Variants in PCDHA4 observed in about 807,000 individuals in gnomAD.
The protein encoded by PCDHA4 is protocadherin alpha 4, also known as protocadherin alpha-4.
A neutral mutation model predicts 61.4 loss-of-function variants in PCDHA4; 49 were observed. The observed-to-expected ratio is 0.80, with a 90% CI of 0.63 to 1.01. The LOEUF is 1.01. PCDHA4 is among the 50% of genes least tolerant of loss of function. PCDHA4 has a pLI of 0.00. For synonymous variants in PCDHA4, 590 were observed against 550.3 expected (o/e 1.07, Z -1.01); for missense variants, 1,254 against 1,235.8 (o/e 1.01, Z -0.22).
At chr5:140,939,119 C>A (rs1427966155) in intron 1 of PCDHA4, among the ~76,000 whole-genome samples, 9 of 152,170 alleles carry the variant, frequency 5.9e-5, no homozygotes, top group African/African-American at 1.7e-4. Flanking sequence ...TTTCACAATT[C>A]TGGAAGCTGG....
intron 1 of PCDHA4, among the ~76,000 whole-genome samples, chr5:140,952,940 G>A (rs2094821781): frequency 6.6e-6 from 1 of 152,066 alleles, no homozygotes. Context: ...AGGAGCAAGA[G>A]AGAGAGAAGG....
intron 1 of PCDHA4, among the ~76,000 whole-genome samples, chr5:140,903,944 A>G (rs1554191212): frequency 6.6e-6 from 1 of 152,192 alleles, no homozygotes; most frequent in African/African-American, 2.4e-5. Context: ...CCTCTTAAAT[A>G]CTGGAAAATT....
At chr5:140,925,938 T>C (rs1357099773) in intron 1 of PCDHA4, among the ~76,000 whole-genome samples, 1 of 138,492 alleles carries the variant, frequency 7.2e-6, no homozygotes, top group Non-Finnish European at 1.5e-5. Context: ...GTAGAGCCTC[T>C]TGGAGAAGGA....
At chr5:140,910,028 T>C (rs1402911275) in intron 1 of PCDHA4, among the ~76,000 whole-genome samples, 4 of 152,222 alleles carry the variant, frequency 2.6e-5, no homozygotes, top group African/African-American at 9.6e-5. Flanking sequence ...ATCCCTGGGA[T>C]AAATCCCACT....
chr5:140,926,682 C>T, intron 1 of PCDHA4: 1 of 656,722 alleles, frequency 1.5e-6, no homozygotes, highest in Non-Finnish European at 2.3e-6. Context: ...CAGCCTCCAG[C>T]CTAGCAAGCC....
intron 1 of PCDHA4, chr5:140,851,440 C>T (rs1474204778): frequency 1.1e-6 from 1 of 926,576 alleles, no homozygotes; most frequent in South Asian, 4.9e-5. Flanking sequence ...AAAACAGTTG[C>T]TCCACTTTAG....
At chr5:140,828,509 GTGC>G in intron 1 of PCDHA4, 1 of 1,614,278 alleles carries the variant, frequency 6.2e-7, no homozygotes. Context: ...GGAACAAAGA[GTGC>G]TGATTTACGA....
intron 1 of PCDHA4, chr5:140,829,396 G>C (rs2150167101): frequency 1.9e-6 from 3 of 1,614,054 alleles, no homozygotes; most frequent in Non-Finnish European, 2.5e-6. Flanking sequence ...CGCCTTCGCT[G>C]TGGGCCACCG....
At chr5:140,883,825 G>T in intron 1 of PCDHA4, 1 of 1,612,576 alleles carries the variant, frequency 6.2e-7, no homozygotes, top group South Asian at 1.1e-5. Context: ...AGGTGTACGC[G>T]CTGCAGCCGT....
At position 140,807,967 on chromosome 5, in the gene PCDHA4, G is replaced by C; in HGVS notation, c.780G>C (p.Leu260Phe). The C allele has an allele frequency of 6.2e-7, 1 of 1,612,546 alleles. No homozygotes were observed. The change falls in exon 1 of 4, where the codon TTG (leucine) becomes TTC (phenylalanine). Residue 260 changes from leucine (L) to phenylalanine (F), a missense_variant. Transcript: ENST00000530339. ...RLLENVPNGT[L>F]VIKLNASDLD... is the part of the protein sequence containing the mutation. ...TAGAAAATGTTCCTAATGGAACATT[G>C]GTAATTAAACTTAACGCCTCAGATT...
At chr5:140,898,235 T>G (rs1386232934) in intron 1 of PCDHA4, among the ~76,000 whole-genome samples, 1 of 152,220 alleles carries the variant, frequency 6.6e-6, no homozygotes, top group Non-Finnish European at 1.5e-5. Flanking sequence ...TGCCATTGCT[T>G]TTGGTGTTTT....
intron 1 of PCDHA4, chr5:140,814,574 T>TA (rs1554126552): frequency 6.6e-6 from 1 of 152,230 alleles, no homozygotes; most frequent in East Asian, 1.9e-4. Flanking sequence ...TTATGTACTG[T>TA]AAATTACTGT....
Position 140,857,347 on chromosome 5 carries a change from G to T in PCDHA4, c.2385+47775G>T, listed in dbSNP as rs781930086. 8.1e-6 allele frequency: 13 copies of T among 1,598,236 alleles called. No homozygotes were observed. The African/African-American group carries it at 1.1e-4, about 13-fold the overall frequency. On this transcript the variant is annotated intron_variant, in intron 1 of 3. Coordinates refer to ENST00000530339, the MANE Select transcript of PCDHA4 (RefSeq NM_018907.4). The stretch of plus-strand genomic sequence containing the variant: ...CCGCGCGGGACGGGGGCTCGCCTCC[G>T]CTGTGGGCCACGGCCAGCGTGTCTG...
At chr5:140,907,411 GA>G (rs1435126945) in intron 1 of PCDHA4, among the ~76,000 whole-genome samples, 1 of 152,192 alleles carries the variant, frequency 6.6e-6, no homozygotes, top group Non-Finnish European at 1.5e-5. Flanking sequence ...GGAATACCAC[GA>G]TGGTGGATAA....
chr5:140,841,588 G>C, intron 1 of PCDHA4: 1 of 1,614,070 alleles, frequency 6.2e-7, no homozygotes. Context: ...TGAATTCTCG[G>C]ATCGACCGCG....
intron 1 of PCDHA4, among the ~76,000 whole-genome samples, chr5:140,930,626 A>G (rs1554207971): frequency 6.6e-6 from 1 of 152,220 alleles, no homozygotes; most frequent in Non-Finnish European, 1.5e-5. Flanking sequence ...GGAGGTGTGT[A>G]GAAATTAAGG....
At chr5:140,838,280 A>ATT (rs2150286950) in intron 1 of PCDHA4, among the ~76,000 whole-genome samples, 8,551 of 139,516 alleles carry the variant, frequency 0.061, 861 homozygotes, top group African/African-American at 0.2. Flanking sequence ...AGCCATGCTA[A>ATT]TTTTTTTTTT....
intron 1 of PCDHA4, chr5:140,926,295 C>T (rs1554203253): frequency 6.6e-6 from 1 of 152,322 alleles, no homozygotes; most frequent in African/African-American, 2.4e-5. Flanking sequence ...CGCTGAGTCC[C>T]GCCCTCTCCG....
At chr5:140,823,068 G>A (rs2150121914) in intron 1 of PCDHA4, 2 of 1,613,914 alleles carry the variant, frequency 1.2e-6, no homozygotes, top group Non-Finnish European at 1.7e-6. Flanking sequence ...ACGGGGGCTC[G>A]CCTTCGCTGT....
Sources: gnomAD v4.1 joint callset for allele counts (sites outside exome capture counted in the v4.1 genomes callset) on GRCh38, gnomAD v4.1.1 for gene constraint, MANE v1.5 for transcripts, NCBI Gene and HGNC (gene_info 2026-07-23, HGNC 2026-07-21) for gene names.